Variants in PDE3B observed in about 807,000 individuals in gnomAD.
PDE3B encodes the protein cGMP-inhibited 3',5'-cyclic phosphodiesterase 3B.
PDE3B carries 66 observed loss-of-function variants against 116.8 expected under a neutral mutation model. The observed-to-expected ratio is 0.56, with a 90% CI of 0.46 to 0.69. PDE3B has a LOEUF of 0.69. PDE3B is among the 30% of genes least tolerant of loss of function. The pLI is 0.00. For missense variants in PDE3B, 1,384 were observed against 1,368.1 expected (o/e 1.01, Z -0.18); for synonymous variants, 595 against 533.6 (o/e 1.12, Z -1.59).
chr11:14,783,090 A>T (rs1402010733), intron 2 of PDE3B, among the ~76,000 whole-genome samples: 1 of 152,254 alleles, frequency 6.6e-6, no homozygotes, highest in Non-Finnish European at 1.5e-5. Context: ...AATGGTGATC[A>T]TTAAAAAGTC....
chr11:14,816,669 A>G (rs980428044), intron 5 of PDE3B, among the ~76,000 whole-genome samples: 1 of 152,230 alleles, frequency 6.6e-6, no homozygotes, highest in Non-Finnish European at 1.5e-5. Context: ...GAAAACCAGT[A>G]TATTTTCCAG....
At chr11:14,857,406 T>C (rs1847871497) in intron 12 of PDE3B, among the ~76,000 whole-genome samples, 1 of 152,356 alleles carries the variant, frequency 6.6e-6, no homozygotes, top group Middle Eastern at 3.4e-3. Flanking sequence ...TAAAGTAGCA[T>C]TGACATTTGC....
chr11:14,754,363 CA>C (rs1214030399), intron 1 of PDE3B, among the ~76,000 whole-genome samples: 2 of 152,078 alleles, frequency 1.3e-5, no homozygotes, highest in Non-Finnish European at 2.9e-5. Flanking sequence ...ACTAACAAAT[CA>C]TGCTAACATT....
chr11:14,844,772 C>G (rs949972776), intron 12 of PDE3B, among the ~76,000 whole-genome samples: 2 of 152,226 alleles, frequency 1.3e-5, no homozygotes, highest in African/African-American at 4.8e-5. Flanking sequence ...AAGGCAGCAG[C>G]AAGGCTGGGG....
chr11:14,878,818 CAGTTTCTCA>C, the PDE3B span, among the ~76,000 whole-genome samples: 5 of 152,126 alleles, frequency 3.3e-5, no homozygotes, highest in African/African-American at 1.2e-4. Flanking sequence ...CTCTGGGTCT[CAGTTTCTCA>C]AGCTACCTGT....
intron 1 of PDE3B, among the ~76,000 whole-genome samples, chr11:14,718,619 A>C (rs1855991505): frequency 6.7e-6 from 1 of 149,962 alleles, no homozygotes; most frequent in South Asian, 2.1e-4. Flanking sequence ...TAAGAATCTC[A>C]CTCAAAACCG....
intron 5 of PDE3B, among the ~76,000 whole-genome samples, chr11:14,809,821 C>G (rs1280627360): frequency 7.2e-5 from 11 of 152,076 alleles, no homozygotes; most frequent in Non-Finnish European, 1.6e-4. Flanking sequence ...GCACCTTGGT[C>G]TTGGACTTCC....
At chr11:14,721,684 A>G (rs12788203) in intron 1 of PDE3B, among the ~76,000 whole-genome samples, 97,257 of 98,420 alleles carry the variant, frequency 0.99, 48,077 homozygotes, top group Middle Eastern at 1. Flanking sequence ...ACAAAAAACC[A>G]AACACCGCAT....
At chr11:14,702,479 A>T (rs1855394552) in intron 1 of PDE3B, among the ~76,000 whole-genome samples, 1 of 151,784 alleles carries the variant, frequency 6.6e-6, no homozygotes, top group South Asian at 2.1e-4. Flanking sequence ...ATAATGAGAG[A>T]ATAAGGAGGT....
intron 1 of PDE3B, among the ~76,000 whole-genome samples, chr11:14,648,903 T>G (rs1853488364): frequency 6.6e-6 from 1 of 152,190 alleles, no homozygotes; most frequent in Non-Finnish European, 1.5e-5. Flanking sequence ...TGAAATCTCC[T>G]TTAAGGAACA....
At chr11:14,884,302 CTGGA>C in the PDE3B span, among the ~76,000 whole-genome samples, 1 of 151,834 alleles carries the variant, frequency 6.6e-6, no homozygotes, top group Non-Finnish European at 1.5e-5. Flanking sequence ...AAATGATAGA[CTGGA>C]TGAAGAAAAT....
chr11:14,682,353 T>A (rs1854736561), intron 1 of PDE3B, among the ~76,000 whole-genome samples: 1 of 152,234 alleles, frequency 6.6e-6, no homozygotes, highest in Non-Finnish European at 1.5e-5. Context: ...TTTTCCTGCT[T>A]TATTGTACTG....
Position 14,685,446 on chromosome 11 carries a change from CTTTTTTTTT to C in PDE3B, c.978+40412_978+40420del, listed in dbSNP as rs71044017. The stretch of plus-strand genomic sequence containing the variant: ...ATCACTAAGGGAACATTTTTCTCAT[CTTTTTTTTT>C]TTTTTTTTTTTTTTTTTTAAGACAG... On this transcript the variant is annotated intron_variant, in intron 1 of 15. Transcript: ENST00000282096. Among the ~76,000 whole-genome samples the C allele has an allele frequency of 3.7e-3, 318 of 86,334 alleles. 3 individuals carry two copies. The highest frequency in any genetic ancestry group is 0.017 in the Middle Eastern group (2 of 116). The allele number at this position is 86,334 out of a possible 152,430, so 56.6% of individuals were successfully genotyped here. A position where few individuals can be genotyped will look rare whatever the true frequency, so the allele number is the denominator to read the frequency against.
intron 2 of PDE3B, among the ~76,000 whole-genome samples, chr11:14,778,340 G>A (rs1186254708): frequency 1.3e-5 from 2 of 152,206 alleles, no homozygotes; most frequent in East Asian, 1.9e-4. Context: ...CACGGAGTTT[G>A]AGATCTAAGA....
chr11:14,859,289 G>A, intron 13 of PDE3B, 43 bp downstream of exon 13: 1 of 1,367,036 alleles, frequency 7.3e-7, no homozygotes, highest in Non-Finnish European at 1.0e-6. Context: ...AATCTTTATT[G>A]TCAGTGTTAC....
At chr11:14,645,983 G>T (rs776836696) in intron 1 of PDE3B, among the ~76,000 whole-genome samples, 2 of 152,196 alleles carry the variant, frequency 1.3e-5, no homozygotes, top group African/African-American at 2.4e-5. Flanking sequence ...CTAGAGATGA[G>T]AAATCTAGGC....
At chr11:14,834,856 A>G (rs1860004983) in intron 10 of PDE3B, 126 bp from the exon 11 acceptor site, 2 of 494,304 alleles carry the variant, frequency 4.0e-6, no homozygotes, top group Non-Finnish European at 3.7e-6. Context: ...TAGATGAAAT[A>G]AAATTCAATT....
intron 11 of PDE3B, among the ~76,000 whole-genome samples, chr11:14,840,821 C>T (rs942699482): frequency 1.3e-5 from 2 of 152,106 alleles, no homozygotes; most frequent in Admixed American, 1.3e-4. Flanking sequence ...TAAGAGCTTC[C>T]TTGGATGCTT....
intron 8 of PDE3B, among the ~76,000 whole-genome samples, chr11:14,831,380 G>T (rs958733999): frequency 6.6e-6 from 1 of 151,288 alleles, no homozygotes; most frequent in Non-Finnish European, 1.5e-5. Flanking sequence ...GTAGTAATTT[G>T]GAAATATAAT....
Sources: gnomAD v4.1 joint callset for allele counts (sites outside exome capture counted in the v4.1 genomes callset) on GRCh38, gnomAD v4.1.1 for gene constraint, MANE v1.5 for transcripts, NCBI Gene and HGNC (gene_info 2026-07-23, HGNC 2026-07-21) for gene names.